Variants in FAM135B observed in about 807,000 individuals in gnomAD.
FAM135B encodes the protein family with sequence similarity 135 member B.
In FAM135B, 43 loss-of-function variants were observed where a neutral mutation model predicts 127.7. The observed-to-expected ratio is 0.34, with a 90% CI of 0.26 to 0.43. FAM135B has a LOEUF of 0.43. Ranked by LOEUF, FAM135B falls within the 20% of genes least tolerant of loss-of-function variation. The pLI is 1.00. For missense variants in FAM135B, 1,558 were observed against 1,725.6 expected, an observed-to-expected ratio of 0.90 and a Z score of 1.72; for synonymous variants, 670 against 665.1, an observed-to-expected ratio of 1.01 and a Z score of -0.11.
chr8:138,203,903 C>G (rs774069159), intron 7 of FAM135B, among the ~76,000 whole-genome samples: 1 of 152,160 alleles, frequency 6.6e-6, no homozygotes, highest in Non-Finnish European at 1.5e-5. Flanking sequence ...GTATTAGATT[C>G]TCATAAGGAA....
intron 1 of FAM135B, among the ~76,000 whole-genome samples, chr8:138,406,616 A>C (rs1484506542): frequency 6.6e-6 from 1 of 152,166 alleles, no homozygotes; most frequent in Non-Finnish European, 1.5e-5. Flanking sequence ...CATGCAAATC[A>C]ATAAATGTAA....
intron 1 of FAM135B, chr8:138,459,371 T>G (rs1836991456): frequency 6.6e-6 from 1 of 152,094 alleles, no homozygotes; most frequent in Non-Finnish European, 1.5e-5. Context: ...CAGGGACAAT[T>G]ATAAATCTCC....
Position 138,197,548 on chromosome 8 carries a change from C to T in FAM135B, c.791G>A (p.Arg264Gln), listed in dbSNP as rs1351422588. ...GLRLHFLVIM[R>Q]DIPELPHTEL... ...CGTGTGTGGCAGCTCTGGGATGTCC[C>T]GCATGATCACCAGGAAGTGGAGACG... The change falls in exon 8 of 20, where the codon CGG becomes CAG. Residue 264 changes from arginine (R) to glutamine (Q), a missense_variant. Physicochemically the swap from Arg to Gln is conservative, Grantham distance 43. Coordinates refer to ENST00000395297, the MANE Select transcript of FAM135B (RefSeq NM_015912.4). 54 of 1,613,940 alleles carry T rather than the reference C, an allele frequency of 3.3e-5. No individual in the cohort carries two copies. The highest frequency in any genetic ancestry group is 4.4e-5 in the Non-Finnish European group (52 of 1,180,020).
chr8:138,182,271 C>T (rs750661672), intron 9 of FAM135B, among the ~76,000 whole-genome samples: 10 of 152,244 alleles, frequency 6.6e-5, no homozygotes, highest in Non-Finnish European at 1.5e-4. Flanking sequence ...CACAAGAGGA[C>T]TTTTCTACTC....
At chr8:138,206,372 C>T (rs796266304) in intron 7 of FAM135B, among the ~76,000 whole-genome samples, 2 of 149,986 alleles carry the variant, frequency 1.3e-5, no homozygotes, top group African/African-American at 2.4e-5. Flanking sequence ...CACCTACCCA[C>T]AACTCTATCA....
chr8:138,326,761 A>G (rs576825767), intron 2 of FAM135B, among the ~76,000 whole-genome samples: 55 of 152,290 alleles, frequency 3.6e-4, no homozygotes, highest in African/African-American at 1.3e-3. Context: ...CATGACTCCA[A>G]ACAATTCATT....
chr8:138,135,539 T>C (rs975127376), intron 19 of FAM135B, among the ~76,000 whole-genome samples: 2 of 151,982 alleles, frequency 1.3e-5, no homozygotes, highest in Admixed American at 6.6e-5. Flanking sequence ...TGAGAGACAG[T>C]AGAGTGAGAT....
intron 1 of FAM135B, among the ~76,000 whole-genome samples, chr8:138,412,116 A>G (rs1439698322): frequency 6.6e-6 from 1 of 152,150 alleles, no homozygotes; most frequent in African/African-American, 2.4e-5. Flanking sequence ...CTTAGATACT[A>G]TGCCCGCTAC....
intron 1 of FAM135B, among the ~76,000 whole-genome samples, chr8:138,491,660 G>A (rs1049548486): frequency 1.3e-5 from 2 of 152,170 alleles, no homozygotes; most frequent in Non-Finnish European, 2.9e-5. Context: ...CATATTATAT[G>A]AGAGGATTTG....
chr8:138,461,082 G>A (rs911762966), intron 1 of FAM135B, among the ~76,000 whole-genome samples: 1 of 152,140 alleles, frequency 6.6e-6, no homozygotes, highest in African/African-American at 2.4e-5. Flanking sequence ...TTAATCCTTT[G>A]TTATAAGTTT....
At chr8:138,163,891 C>T (rs570204187) in intron 12 of FAM135B, among the ~76,000 whole-genome samples, 10 of 152,130 alleles carry the variant, frequency 6.6e-5, no homozygotes, top group African/African-American at 7.2e-5. Context: ...ACAGGAGGCA[C>T]GGTCACAGCT....
chr8:138,207,221 T>A (rs1586775038), intron 7 of FAM135B, among the ~76,000 whole-genome samples: 1 of 22,414 alleles, frequency 4.5e-5, no homozygotes, highest in Admixed American at 6.8e-4. Flanking sequence ...CAATACTTTT[T>A]TTTTTTTTTT....
Position 138,220,061 on chromosome 8 carries a change from T to TCACACACACACACACACACA in FAM135B, c.670-22412_670-22393dup, listed in dbSNP as rs3221962. On this transcript the variant is annotated intron_variant, in intron 7 of 19. Coordinates refer to ENST00000395297, the MANE Select transcript of FAM135B (RefSeq NM_015912.4). ...CACAAATAGGGTGATTTGCCTAAAA[T>TCACACACACACACACACACA]CACACACACACACACACACACACAC... Among the ~76,000 whole-genome samples, 81 of 146,518 alleles carry TCACACACACACACACACACA rather than the reference T, an allele frequency of 5.5e-4. No individual in the cohort carries two copies. In the South Asian group the frequency reaches 6.0e-3, roughly 11 times the overall value.
intron 12 of FAM135B, among the ~76,000 whole-genome samples, chr8:138,155,462 A>C (rs1818637564): frequency 6.6e-6 from 1 of 152,196 alleles, no homozygotes; most frequent in Non-Finnish European, 1.5e-5. Flanking sequence ...ACTTAAATGT[A>C]AATGGGCTAA....
intron 1 of FAM135B, among the ~76,000 whole-genome samples, chr8:138,393,632 T>G (rs1055744500): frequency 1.3e-5 from 2 of 152,138 alleles, no homozygotes; most frequent in Non-Finnish European, 2.9e-5. Context: ...ATAATAATGC[T>G]GAATGGAAAT....
In FAM135B at chr8:138,153,173, T is replaced by G. The variant is rs766008036; in HGVS notation, c.1302A>C (p.Thr434=). 6.3e-7 allele frequency: 1 copy of G among 1,596,430 alleles called. No homozygotes were observed. Among genetic ancestry groups the G allele is most frequent in the South Asian group, 1.1e-5 (1 of 88,546 alleles). Residue 434 remains threonine, a synonymous_variant, in exon 13 of 20, where the codon ACA becomes ACC. Transcript: ENST00000395297. ...SVYPNFDVPV[T]SPTIMNLKDK... ...CTTTCAGATTCATTATTGTAGGACT[T>G]GTCACTGGAACATCAAAATTAGGAT...
At chr8:138,343,690 AC>A (rs1303933523) in intron 2 of FAM135B, among the ~76,000 whole-genome samples, 2 of 152,186 alleles carry the variant, frequency 1.3e-5, no homozygotes, top group African/African-American at 4.8e-5. Flanking sequence ...TAAGTCCACA[AC>A]CATTCCATCA....
chr8:138,151,505 G>A lies in FAM135B; in HGVS notation c.2970C>T (p.Thr990=), dbSNP rs781105888. 2.5e-5 allele frequency: 41 copies of A among 1,614,202 alleles called. No individual in the cohort carries two copies. In the East Asian group the frequency reaches 8.2e-4, roughly 32 times the overall value. The change falls in exon 13 of 20, where the codon ACC becomes ACT. Residue 990 remains threonine (T), a synonymous_variant. Transcript: ENST00000395297. ...TCAAAACCTGGGAATGAACGGAATG[G>A]GTCACAGTGGGGCACACAGTGCCTG... is the stretch of plus-strand genomic sequence containing the variant. ...HKAGTVCPTV[T]HSVHSQVLKN... is the part of the protein sequence containing the mutation.
chr8:138,299,668 T>A (rs1401316509), intron 3 of FAM135B, among the ~76,000 whole-genome samples: 1 of 152,140 alleles, frequency 6.6e-6, no homozygotes, highest in African/African-American at 2.4e-5. Flanking sequence ...TTAATTGAAT[T>A]TCCTCAAAAT....
Sources: gnomAD v4.1 joint callset for allele counts (sites outside exome capture counted in the v4.1 genomes callset) on GRCh38, gnomAD v4.1.1 for gene constraint, MANE v1.5 for transcripts, NCBI Gene and HGNC (gene_info 2026-07-23, HGNC 2026-07-21) for gene names.